The following EBF1 variants were observed in gnomAD, a reference collection of about 807,000 sequenced individuals.
EBF1 encodes the protein EBF transcription factor 1.
A neutral mutation model predicts 68.4 loss-of-function variants in EBF1; 10 were observed. The ratio of observed to expected loss-of-function variants is 0.15; its 90% CI spans 0.09 to 0.25. The LOEUF (loss-of-function observed/expected upper bound fraction) is 0.25, where lower values mean the gene tolerates loss of function less well. EBF1 is among the 10% of genes least tolerant of loss of function. The pLI is 1.00. For synonymous variants in EBF1, 298 were observed against 299.8 expected (o/e 0.99, Z 0.06); for missense variants, 509 against 794.4 (o/e 0.64, Z 4.32).
intron 6 of EBF1, among the ~76,000 whole-genome samples, chr5:158,893,468 A>C (rs1307859797): frequency 6.6e-6 from 1 of 152,230 alleles, no homozygotes; most frequent in Non-Finnish European, 1.5e-5. Flanking sequence ...GAACATGTCC[A>C]GGTTAGAAAA....
At chr5:158,909,629 G>A (rs1805456984) in intron 6 of EBF1, among the ~76,000 whole-genome samples, 1 of 152,078 alleles carries the variant, frequency 6.6e-6, no homozygotes, top group Non-Finnish European at 1.5e-5. Context: ...AGTTCTTACA[G>A]TTACAGATCA....
intron 10 of EBF1, among the ~76,000 whole-genome samples, chr5:158,752,080 G>A (rs1473314624): frequency 6.6e-6 from 1 of 151,950 alleles, no homozygotes; most frequent in Non-Finnish European, 1.5e-5. Flanking sequence ...TCTAACAGAA[G>A]ATGTGAAACT....
rs1020419213 is a variant in EBF1 at position 158,697,044 on chromosome 5, AAGAC to A, written c.*2063_*2066del. 1 of 188,804 alleles carries A rather than the reference AAGAC, an allele frequency of 5.3e-6. No homozygotes were observed. The highest frequency in any genetic ancestry group is 2.3e-5 in the African/African-American group (1 of 42,830). The allele number at this position is 188,804 out of a possible 1,614,324, so 11.7% of individuals were successfully genotyped here. A position where few individuals can be genotyped will look rare whatever the true frequency, so the allele number is the denominator to read the frequency against. ...AATCTGCTGGTTTATATTTATGTGA[AAGAC>A]AGAGGAAATATACAAGCAGACTTAA... On this transcript the variant is annotated 3_prime_UTR_variant, in exon 16 of 16. Transcript: ENST00000313708.
At chr5:158,822,215 T>A (rs1784993314) in intron 8 of EBF1, among the ~76,000 whole-genome samples, 1 of 151,968 alleles carries the variant, frequency 6.6e-6, no homozygotes. Flanking sequence ...TCTAATATGG[T>A]GACTGGTATC....
chr5:159,075,003 T>A (rs2127950299), intron 5 of EBF1, among the ~76,000 whole-genome samples: 1 of 152,322 alleles, frequency 6.6e-6, no homozygotes, highest in South Asian at 2.1e-4. Context: ...AACTCCTTCA[T>A]CCCTGAACTC....
At chr5:158,740,331 T>G (rs144629909) in intron 10 of EBF1, among the ~76,000 whole-genome samples, 2 of 152,248 alleles carry the variant, frequency 1.3e-5, no homozygotes, top group Non-Finnish European at 2.9e-5. Context: ...TACTTGTGAT[T>G]GTTAATATCA....
intron 9 of EBF1, among the ~76,000 whole-genome samples, chr5:158,785,894 G>A (rs140411749): frequency 1.1e-4 from 16 of 152,194 alleles, no homozygotes; most frequent in East Asian, 3.9e-4. Flanking sequence ...TTCATTGTCC[G>A]TGTCCCCCTA....
At position 159,096,285 on chromosome 5, in the gene EBF1, G is replaced by A. The variant is rs1212716008; in HGVS notation, c.355+58C>T. Reference sequence around the variant, plus strand: ...ATTTCGTCCACCTGGAGCTCCCTGCGCCCCCTGCCCAGACCCGGAGCCCCA... The same window carrying A: ...ATTTCGTCCACCTGGAGCTCCCTGCACCCCCTGCCCAGACCCGGAGCCCCA... On this transcript the variant is annotated intron_variant, in intron 3 of 15. Transcript: ENST00000313708. 12 of 1,550,368 alleles carry A rather than the reference G, an allele frequency of 7.7e-6. 1 individual carries two copies. In the South Asian group the frequency reaches 1.0e-4, roughly 13 times the overall value.
chr5:158,842,327 G>T (rs1041815996), intron 6 of EBF1, among the ~76,000 whole-genome samples: 3 of 152,164 alleles, frequency 2.0e-5, no homozygotes, highest in African/African-American at 7.2e-5. Context: ...TCTTGCTAGG[G>T]TTCAATCCTA....
In EBF1 at chr5:158,849,221, G is replaced by T. The variant is rs112230681; in HGVS notation, c.555-9111C>A. ...TTAATCAGTTGTGGCTGTTCTGGCA[G>T]GGGCTAGATCAGTGAATCTTTCAAA... On this transcript the variant is annotated intron_variant, in intron 6 of 15. Transcript: ENST00000313708. Among the ~76,000 whole-genome samples, 1,007 of 152,310 alleles carry T rather than the reference G, an allele frequency of 6.6e-3. 14 individuals are homozygous for T. Among genetic ancestry groups the T allele is most frequent in the African/African-American group, 0.023 (953 of 41,550 alleles).
At chr5:158,796,851 T>C (rs968121699) in intron 8 of EBF1, among the ~76,000 whole-genome samples, 1 of 152,206 alleles carries the variant, frequency 6.6e-6, no homozygotes, top group Non-Finnish European at 1.5e-5. Flanking sequence ...TAGTTAAATA[T>C]ATCTCCTGAA....
chr5:159,074,771 G>T (rs1347831366), intron 5 of EBF1, among the ~76,000 whole-genome samples: 1 of 152,094 alleles, frequency 6.6e-6, no homozygotes, highest in African/African-American at 2.4e-5. Context: ...TATCTCCTTT[G>T]TCAAAGCCTC....
At chr5:158,969,863 A>AGAAG (rs1755067149) in intron 6 of EBF1, among the ~76,000 whole-genome samples, 1 of 79,778 alleles carries the variant, frequency 1.3e-5, no homozygotes, top group Non-Finnish European at 2.9e-5. Context: ...AAAGAAAGAA[A>AGAAG]GAAAGAAAGA....
chr5:159,017,438 C>T (rs910955608), intron 6 of EBF1, among the ~76,000 whole-genome samples: 5 of 152,212 alleles, frequency 3.3e-5, no homozygotes, highest in Admixed American at 3.3e-4. Flanking sequence ...GAATGAGCCT[C>T]AGCTCTTCCC....
chr5:159,000,507 A>G (rs955225993), intron 6 of EBF1, among the ~76,000 whole-genome samples: 1 of 152,186 alleles, frequency 6.6e-6, no homozygotes, highest in Non-Finnish European at 1.5e-5. Context: ...CTGACAAACT[A>G]TGGCTTTTCA....
intron 2 of EBF1, chr5:159,096,740 T>C (rs1257055726): frequency 3.2e-6 from 2 of 629,566 alleles, no homozygotes; most frequent in Non-Finnish European, 5.5e-6. Flanking sequence ...CTGTGGATTG[T>C]AGAGCCAGGC....
intron 4 of EBF1, among the ~76,000 whole-genome samples, chr5:159,085,462 A>G (rs1780460462): frequency 6.6e-6 from 1 of 152,172 alleles, no homozygotes; most frequent in Admixed American, 6.6e-5. Flanking sequence ...AGTTTTTTCT[A>G]TTTTTTGTAA....
intron 9 of EBF1, among the ~76,000 whole-genome samples, chr5:158,787,443 G>A (rs1449585186): frequency 6.6e-6 from 1 of 152,148 alleles, no homozygotes; most frequent in Non-Finnish European, 1.5e-5. Flanking sequence ...AAGAAGTATT[G>A]TTCTCATTAA....
intron 11 of EBF1, among the ~76,000 whole-genome samples, chr5:158,725,751 A>G (rs1320772880): frequency 6.6e-6 from 1 of 152,066 alleles, no homozygotes; most frequent in African/African-American, 2.4e-5. Context: ...GGGAGAGAAA[A>G]CCCGGGTGAG....
Sources: gnomAD v4.1 joint callset for allele counts (sites outside exome capture counted in the v4.1 genomes callset) on GRCh38, gnomAD v4.1.1 for gene constraint, MANE v1.5 for transcripts, NCBI Gene and HGNC (gene_info 2026-07-23, HGNC 2026-07-21) for gene names.